The following PPP2R2B variants were observed in gnomAD, a reference collection of about 807,000 sequenced individuals.
PPP2R2B encodes the protein protein phosphatase 2 regulatory subunit Bbeta.
PPP2R2B carries 5 observed loss-of-function variants against 46.0 expected under a neutral mutation model. The ratio of observed to expected loss-of-function variants is 0.11; its 90% CI spans 0.06 to 0.23. The LOEUF is 0.23. PPP2R2B is among the 10% of genes least tolerant of loss of function. The probability of loss-of-function intolerance (pLI) is 1.00; values close to 1 mark genes in which losing one functional copy is unlikely to be tolerated. For synonymous variants in PPP2R2B, 215 were observed against 206.7 expected (o/e 1.04, Z -0.34); for missense variants, 367 against 575.0 (o/e 0.64, Z 3.70).
At chr5:146,986,837 G>T (rs1753452774) in intron 1 of PPP2R2B, among the ~76,000 whole-genome samples, 1 of 151,988 alleles carries the variant, frequency 6.6e-6, no homozygotes. Context: ...AGAAATGGGT[G>T]GAAAGCTTAT....
intron 2 of PPP2R2B, among the ~76,000 whole-genome samples, chr5:146,848,527 A>G (rs1250207821): frequency 6.6e-6 from 1 of 152,076 alleles, no homozygotes; most frequent in East Asian, 1.9e-4. Context: ...ATGCTCCTCC[A>G]GTGGAATTTA....
intron 1 of PPP2R2B, among the ~76,000 whole-genome samples, chr5:147,000,399 C>T (rs1044553171): frequency 5.9e-5 from 9 of 152,044 alleles, no homozygotes; most frequent in South Asian, 4.1e-4. Flanking sequence ...GAAAAAGCTC[C>T]GGAGCCAAGC....
intron 2 of PPP2R2B, among the ~76,000 whole-genome samples, chr5:146,799,240 C>G (rs1335166215): frequency 6.6e-6 from 1 of 152,166 alleles, no homozygotes; most frequent in Non-Finnish European, 1.5e-5. Context: ...GTTATTTGCA[C>G]TAGCCTAATT....
chr5:146,650,825 C>A (rs547139924), intron 5 of PPP2R2B, 101 bp from the exon 6 acceptor site: 1 of 1,102,708 alleles, frequency 9.1e-7, no homozygotes, highest in South Asian at 1.8e-5. Flanking sequence ...AAATAATAGC[C>A]ACATTGAAGA....
chr5:146,784,741 T>C (rs991990866), intron 2 of PPP2R2B, among the ~76,000 whole-genome samples: 1 of 152,184 alleles, frequency 6.6e-6, no homozygotes, highest in African/African-American at 2.4e-5. Context: ...TTTTAAAACA[T>C]TGTCCATTTT....
rs933826144 is a variant in PPP2R2B at position 146,888,554 on chromosome 5, C to T, written c.79+167111G>A. ...TTTCCAGGCAGCAGGCAGAATGGTC[C>T]TTTTAAATGCAAATCACTTCATGTC... On this transcript the variant is annotated intron_variant, in intron 1 of 8. Coordinates refer to the PPP2R2B transcript ENST00000336640. Among the ~76,000 whole-genome samples the T allele has an allele frequency of 4.3e-4, 65 of 152,324 alleles. 1 individual carries two copies. Among genetic ancestry groups the T allele is most frequent in the African/African-American group, 1.4e-3 (60 of 41,570 alleles).
upstream of PPP2R2B, among the ~76,000 whole-genome samples, chr5:146,879,526 T>C (rs1473928689): frequency 1.3e-5 from 2 of 152,124 alleles, no homozygotes. Context: ...GAAGGTACAT[T>C]GAAGCACAGA....
At chr5:146,655,251 GTC>G (rs1199309244) in intron 5 of PPP2R2B, among the ~76,000 whole-genome samples, 4 of 152,182 alleles carry the variant, frequency 2.6e-5, no homozygotes, top group African/African-American at 9.7e-5. Flanking sequence ...ACCGAATAAT[GTC>G]CCAAGCCCCA....
intron 1 of PPP2R2B, among the ~76,000 whole-genome samples, chr5:146,950,089 T>C (rs564979410): frequency 6.6e-6 from 1 of 152,208 alleles, no homozygotes; most frequent in South Asian, 2.1e-4. Context: ...TAATTTATTG[T>C]ACTTTAAAAA....
intron 5 of PPP2R2B, among the ~76,000 whole-genome samples, chr5:146,674,941 T>A (rs1482869478): frequency 6.6e-6 from 1 of 152,166 alleles, no homozygotes; most frequent in Admixed American, 6.6e-5. Flanking sequence ...TTCAGCTAGA[T>A]ACTTGGTGGT....
chr5:146,905,738 CA>C (rs1762975501), intron 1 of PPP2R2B, among the ~76,000 whole-genome samples: 1 of 152,164 alleles, frequency 6.6e-6, no homozygotes. Flanking sequence ...AGAAGTCAAA[CA>C]AAAGGCTAAG....
At chr5:146,870,183 T>A (rs1319330731) in intron 2 of PPP2R2B, among the ~76,000 whole-genome samples, 1 of 152,228 alleles carries the variant, frequency 6.6e-6, no homozygotes, top group Non-Finnish European at 1.5e-5. Context: ...ACCAGTGTGA[T>A]AAGCAATGCT....
intron 1 of PPP2R2B, among the ~76,000 whole-genome samples, chr5:146,895,151 A>G (rs319176): frequency 0.021 from 3,156 of 152,268 alleles, 103 homozygotes; most frequent in African/African-American, 0.072. Flanking sequence ...ACTCCCCGAA[A>G]GCTCCATGTA....
At chr5:146,779,506 G>A (rs544777879) in intron 2 of PPP2R2B, among the ~76,000 whole-genome samples, 5 of 152,272 alleles carry the variant, frequency 3.3e-5, no homozygotes, top group South Asian at 2.1e-4. Context: ...TGATAAGGCC[G>A]GTTATTACCG....
chr5:146,952,098 A>T (rs2151836149), intron 1 of PPP2R2B, among the ~76,000 whole-genome samples: 2 of 152,074 alleles, frequency 1.3e-5, no homozygotes, highest in Middle Eastern at 6.8e-3. Context: ...TACAAATAAA[A>T]TTCTACGTAT....
At chr5:146,798,142 G>A (rs544404926) in intron 2 of PPP2R2B, among the ~76,000 whole-genome samples, 2 of 151,968 alleles carry the variant, frequency 1.3e-5, no homozygotes. Context: ...CCTCTAATTG[G>A]CTTTTACCCT....
intron 5 of PPP2R2B, among the ~76,000 whole-genome samples, chr5:146,662,302 A>G (rs1776721106): frequency 6.6e-6 from 1 of 152,344 alleles, no homozygotes; most frequent in Non-Finnish European, 1.5e-5. Context: ...ATGGCCTTTC[A>G]TAGATATCCA....
At chr5:146,776,827 A>G (rs1321123307) in intron 2 of PPP2R2B, among the ~76,000 whole-genome samples, 1 of 152,114 alleles carries the variant, frequency 6.6e-6, no homozygotes, top group African/African-American at 2.4e-5. Flanking sequence ...CAAATAAAAA[A>G]TGGGCAAAGG....
chr5:147,035,167 A>G (rs1390540722), intron 1 of PPP2R2B: 1 of 453,960 alleles, frequency 2.2e-6, no homozygotes, highest in Non-Finnish European at 4.4e-6. Flanking sequence ...TAATTGACTC[A>G]CAGTTCTGCA....
Sources: allele counts gnomAD v4.1 joint callset (sites outside exome capture counted in the v4.1 genomes callset), GRCh38; gene constraint gnomAD v4.1.1; transcripts MANE v1.5; gene names NCBI Gene and HGNC (gene_info 2026-07-23, HGNC 2026-07-21).